Variants in HIPK3 observed in about 807,000 individuals in gnomAD.
HIPK3 encodes the protein homeodomain interacting protein kinase 3.
A neutral mutation model predicts 124.2 loss-of-function variants in HIPK3; 47 were observed. The ratio of observed to expected loss-of-function variants is 0.38; its 90% CI spans 0.30 to 0.48. HIPK3 has a LOEUF of 0.48. Ranked by LOEUF, HIPK3 falls within the 20% of genes least tolerant of loss-of-function variation. The pLI, the probability that HIPK3 is intolerant of heterozygous loss-of-function variation, is 0.98. For synonymous variants in HIPK3, 482 were observed against 515.2 expected (o/e 0.94, Z 0.87); for missense variants, 1,286 against 1,454.3 (o/e 0.88, Z 1.88).
intron 1 of HIPK3, among the ~76,000 whole-genome samples, chr11:33,262,417 G>T (rs1019812358): frequency 6.6e-6 from 1 of 152,220 alleles, no homozygotes; most frequent in Non-Finnish European, 1.5e-5. Context: ...GGCAGACCAG[G>T]CTGTTCTCAG....
chr11:33,331,370 A>G (rs912715006), intron 3 of HIPK3, among the ~76,000 whole-genome samples: 13 of 151,832 alleles, frequency 8.6e-5, no homozygotes, highest in African/African-American at 2.7e-4. Flanking sequence ...GGACACCCCA[A>G]CTGGGGAGTT....
intron 12 of HIPK3, 58 bp from the exon 13 acceptor site, chr11:33,348,464 G>T: frequency 7.2e-7 from 1 of 1,385,762 alleles, no homozygotes; most frequent in Non-Finnish European, 9.9e-7. Flanking sequence ...AGATACCTTA[G>T]ACAATTGATT....
chr11:33,304,044 G>T (rs1490366047), intron 2 of HIPK3, among the ~76,000 whole-genome samples: 3 of 152,064 alleles, frequency 2.0e-5, no homozygotes, highest in Non-Finnish European at 2.9e-5. Flanking sequence ...AGGTTCATGC[G>T]ATTCCTCTGC....
intron 2 of HIPK3, among the ~76,000 whole-genome samples, chr11:33,318,782 A>G (rs1852579365): frequency 1.3e-5 from 2 of 152,258 alleles, no homozygotes; most frequent in Middle Eastern, 3.2e-3. Context: ...ATTAGAAAAT[A>G]TAAGTCAGTA....
chr11:33,351,991 C>A, intron 15 of HIPK3, 147 bp from the exon 16 acceptor site: 1 of 993,034 alleles, frequency 1.0e-6, no homozygotes, highest in Non-Finnish European at 1.5e-6. Flanking sequence ...TAGTATTATC[C>A]AGTGCTTGGA....
Position 33,337,153 on chromosome 11 carries a change from T to C in HIPK3, c.1300T>C (p.Cys434Arg). 1 of 1,577,816 alleles carries C rather than the reference T, an allele frequency of 6.3e-7. No homozygotes were observed. The highest frequency in any genetic ancestry group is 8.7e-7 in the Non-Finnish European group (1 of 1,148,156). ...GGGTACTAAATCCACAAGATTTTTT[T>C]GCAAAGAAACAGATATGTCTCATTC... ...NVGTKSTRFF[C>R]KETDMSHSGW... is the part of the protein sequence containing the mutation. The change falls in exon 4 of 17, where the codon TGC becomes CGC. Residue 434 changes from cysteine to arginine, a missense_variant. Physicochemically the swap from Cys to Arg is radical, Grantham distance 180. Around this residue, in one of 3 missense-constraint regions of HIPK3, gnomAD observed 251 missense variants for 349.1 expected, o/e 0.72. Coordinates refer to ENST00000303296, the MANE Select transcript of HIPK3 (RefSeq NM_005734.5).
At position 33,339,451 on chromosome 11, in the gene HIPK3, A is replaced by C. The variant is rs1284230371; in HGVS notation, c.1530A>C (p.Ala510=). ...SLLKKMLLID[A]DLRITPAETL... is the part of the protein sequence containing the mutation. ...TGAAGAAAATGTTGCTGATTGATGC[A>C]GATTTAAGAATTACTCCAGCTGAGA... The change falls in exon 6 of 17, where the codon GCA becomes GCC. Residue 510 remains alanine (A), a synonymous_variant. Coordinates refer to ENST00000303296, the MANE Select transcript of HIPK3 (RefSeq NM_005734.5). The C allele has an allele frequency of 6.2e-7, 1 of 1,613,434 alleles. No individual in the cohort carries two copies.
rs192324799 is a variant in HIPK3 at position 33,315,731 on chromosome 11, T to G, written c.1098-12779T>G. Among the ~76,000 whole-genome samples the G allele has an allele frequency of 9.4e-3, 1,426 of 152,326 alleles. 6 individuals carry two copies. Among genetic ancestry groups the G allele is most frequent in the Non-Finnish European group, 0.014 (964 of 68,030 alleles). ...GAAATGCAAATTATTGCTGTATTCA[T>G]CTCTTTTGGTATTGGGCTGTGAACT... On this transcript the variant is annotated intron_variant, in intron 2 of 16. Transcript: ENST00000303296.
chr11:33,275,987 A>G (rs1851259609), intron 1 of HIPK3, among the ~76,000 whole-genome samples: 1 of 152,200 alleles, frequency 6.6e-6, no homozygotes, highest in Non-Finnish European at 1.5e-5. Context: ...AGTCTTGTTC[A>G]AGAAAGACAT....
intron 3 of HIPK3, among the ~76,000 whole-genome samples, chr11:33,336,682 G>A (rs892793401): frequency 6.6e-6 from 1 of 152,082 alleles, no homozygotes; most frequent in African/African-American, 2.4e-5. Flanking sequence ...CTCTGTTAGT[G>A]ACCCTCTGTA....
chr11:33,350,277 A>C (rs1565099983), intron 14 of HIPK3, among the ~76,000 whole-genome samples: 2 of 152,174 alleles, frequency 1.3e-5, no homozygotes. Context: ...GGTTTTATCC[A>C]TATTAACCTG....
rs1410376114 is a variant in HIPK3, at chr11:33,356,841, G to A, written c.*3273G>A. 2.0e-5 allele frequency: 3 copies of A among 152,062 alleles called. No individual in the cohort carries two copies. Among genetic ancestry groups the A allele is most frequent in the Admixed American group, 2.0e-4 (3 of 15,258 alleles). 9.4% of individuals were successfully genotyped at this position (152,062 alleles called of 1,614,324 possible). A position where few individuals can be genotyped will look rare whatever the true frequency, so the allele number is the denominator to read the frequency against. On this transcript the variant is annotated 3_prime_UTR_variant, in exon 17 of 17. Transcript: ENST00000303296. ...ACTGGGAAAATTTTATGGATGTAAT[G>A]TCTATTACGGTTTGCGATAGTATTT...
chr11:33,346,747 T>C (rs138288345), intron 8 of HIPK3, among the ~76,000 whole-genome samples: 1,559 of 152,270 alleles, frequency 0.01, 8 homozygotes, highest in Non-Finnish European at 0.015. Flanking sequence ...TCGTTCAACT[T>C]TGTAGTATGC....
chr11:33,348,296 A>G, intron 12 of HIPK3, 68 bp downstream of exon 12: 1 of 1,403,824 alleles, frequency 7.1e-7, no homozygotes, highest in Non-Finnish European at 1.0e-6. Context: ...GGACATTCAG[A>G]TAGCACATTT....
intron 1 of HIPK3, among the ~76,000 whole-genome samples, chr11:33,285,928 T>C (rs1851537273): frequency 6.6e-6 from 1 of 151,952 alleles, no homozygotes; most frequent in African/African-American, 2.4e-5. Context: ...TGCACCACCA[T>C]CCCCAGCTAA....
At chr11:33,268,069 G>A (rs1000467449) in intron 1 of HIPK3, among the ~76,000 whole-genome samples, 2 of 151,854 alleles carry the variant, frequency 1.3e-5, no homozygotes, top group Non-Finnish European at 2.9e-5. Flanking sequence ...AAATCAGACG[G>A]GTGTGGTGGT....
intron 3 of HIPK3, among the ~76,000 whole-genome samples, chr11:33,330,341 T>G (rs1195279448): frequency 6.6e-6 from 1 of 152,204 alleles, no homozygotes; most frequent in Non-Finnish European, 1.5e-5. Flanking sequence ...TTTTCTTTTT[T>G]CTTTTGAGAT....
chr11:33,287,620 G>A (rs1278234400), intron 2 of HIPK3, 109 bp downstream of exon 2: 2 of 1,176,560 alleles, frequency 1.7e-6, no homozygotes, highest in African/African-American at 1.5e-5. Flanking sequence ...GTTAAATAAG[G>A]AAATCAAGAG....
intron 2 of HIPK3, among the ~76,000 whole-genome samples, chr11:33,322,166 A>T (rs1852683726): frequency 1.3e-5 from 2 of 151,664 alleles, no homozygotes; most frequent in African/African-American, 2.4e-5. Context: ...CACCCAGCTA[A>T]TTTTTTGTAT....
Sources: allele counts gnomAD v4.1 joint callset (sites outside exome capture counted in the v4.1 genomes callset), GRCh38; gene constraint gnomAD v4.1.1; regional missense constraint gnomAD v4.1.1; transcripts MANE v1.5; gene names NCBI Gene and HGNC (gene_info 2026-07-23, HGNC 2026-07-21).